Variants in PLCB4 observed in about 807,000 individuals in gnomAD.
PLCB4 encodes the protein phospholipase C beta 4, also known as 1-phosphatidylinositol 4,5-bisphosphate phosphodiesterase beta-4.
Under a neutral mutation model 178.8 loss-of-function variants are expected in PLCB4, and 77 were observed. That is an observed-to-expected ratio of 0.43 (90% CI 0.36 to 0.52). The LOEUF is 0.52. Among genes scored for constraint, PLCB4 ranks in the 20% least tolerant of loss-of-function variants. The probability of loss-of-function intolerance (pLI) is 0.00; values close to 1 mark genes in which losing one functional copy is unlikely to be tolerated. For synonymous variants in PLCB4, 496 were observed against 490.8 expected (o/e 1.01, Z -0.14); for missense variants, 1,024 against 1,453.4 (o/e 0.70, Z 4.80).
chr20:9,225,932 T>G (rs1412276332), intron 3 of PLCB4, among the ~76,000 whole-genome samples: 2 of 152,186 alleles, frequency 1.3e-5, no homozygotes, highest in East Asian at 1.9e-4. Flanking sequence ...TGTCCTCAGG[T>G]GGGAAAGGGC....
intron 2 of PLCB4, among the ~76,000 whole-genome samples, chr20:9,157,103 A>G (rs2092805114): frequency 6.6e-6 from 1 of 151,824 alleles, no homozygotes; most frequent in African/African-American, 2.4e-5. Context: ...AAGGCACACA[A>G]TGTTAATATG....
Position 9,295,714 on chromosome 20 carries a change from A to G in PLCB4, c.-15-12086A>G, listed in dbSNP as rs1222639357. Among the ~76,000 whole-genome samples, 3 of 152,134 alleles carry G rather than the reference A, an allele frequency of 2.0e-5. No individual in the cohort carries two copies. The East Asian group carries it at 5.8e-4, about 29-fold the overall frequency. ...ATTTCTTGTTTTTGTCAGGTTTGTCAAGGATCAGATGGTTGTAGATATGCG... is the reference window on the plus strand; with the variant it reads ...ATTTCTTGTTTTTGTCAGGTTTGTCGAGGATCAGATGGTTGTAGATATGCG... On this transcript the variant is annotated intron_variant, in intron 3 of 39. Coordinates refer to ENST00000378473, the MANE Select transcript of PLCB4 (RefSeq NM_001377142.1).
chr20:9,155,461 G>A (rs1188340166), intron 2 of PLCB4, among the ~76,000 whole-genome samples: 3 of 152,168 alleles, frequency 2.0e-5, no homozygotes, highest in Admixed American at 1.3e-4. Context: ...GAAAGCTGAA[G>A]AACTTGAGAT....
intron 2 of PLCB4, among the ~76,000 whole-genome samples, chr20:9,145,680 C>A (rs945608235): frequency 1.3e-5 from 2 of 152,026 alleles, no homozygotes; most frequent in Non-Finnish European, 2.9e-5. Flanking sequence ...ATTTATCTTT[C>A]CATTCACGCA....
intron 1 of PLCB4, among the ~76,000 whole-genome samples, chr20:9,074,807 TAAACAAAACAAAACAAAACAAAACA>T (rs138068127): frequency 0.65 from 79,914 of 123,134 alleles, 25,100 homozygotes; most frequent in South Asian, 0.75. Flanking sequence ...TTTTTTTTTT[TAAACAAAACAAAACAAAACAAAACA>T]AAACAAAACA....
At chr20:9,344,530 T>A (rs2033596314) in intron 7 of PLCB4, among the ~76,000 whole-genome samples, 1 of 152,242 alleles carries the variant, frequency 6.6e-6, no homozygotes, top group African/African-American at 2.4e-5. Flanking sequence ...GAGGTATTTA[T>A]GTTGACTAAA....
At chr20:9,169,875 C>T (rs532584037) in intron 2 of PLCB4, among the ~76,000 whole-genome samples, 3 of 152,168 alleles carry the variant, frequency 2.0e-5, no homozygotes, top group African/African-American at 7.2e-5. Flanking sequence ...TCCACTTATC[C>T]CTCTGTCTTT....
intron 1 of PLCB4, among the ~76,000 whole-genome samples, chr20:9,074,588 T>C (rs1322622417): frequency 1.3e-5 from 2 of 152,168 alleles, no homozygotes; most frequent in African/African-American, 4.8e-5. Context: ...ACTCTGCAAG[T>C]ACAGAAAGTT....
intron 2 of PLCB4, among the ~76,000 whole-genome samples, chr20:9,146,305 C>G (rs2092598091): frequency 6.6e-6 from 1 of 152,018 alleles, no homozygotes; most frequent in Non-Finnish European, 1.5e-5. Flanking sequence ...TCAAATATGA[C>G]CAAACTCTGG....
chr20:9,227,483 T>C (rs1443387242), intron 3 of PLCB4, among the ~76,000 whole-genome samples: 2 of 152,172 alleles, frequency 1.3e-5, no homozygotes, highest in East Asian at 3.9e-4. Flanking sequence ...ATTTAAGTCA[T>C]AGAGCCATCC....
At chr20:9,218,264 G>A (rs1044673580) in intron 3 of PLCB4, among the ~76,000 whole-genome samples, 17 of 152,064 alleles carry the variant, frequency 1.1e-4, no homozygotes, top group Admixed American at 3.9e-4. Flanking sequence ...ATGCCACCAC[G>A]CCTGGCTAAT....
intron 25 of PLCB4, 58 bp downstream of exon 25, chr20:9,411,146 T>G: frequency 5.2e-5 from 59 of 1,127,254 alleles, no homozygotes; most frequent in Non-Finnish European, 7.6e-5. Context: ...ACTACAGCTC[T>G]AATGAAGCCA....
intron 38 of PLCB4, among the ~76,000 whole-genome samples, chr20:9,475,533 A>G (rs1458252476): frequency 6.6e-6 from 1 of 152,222 alleles, no homozygotes; most frequent in Non-Finnish European, 1.5e-5. Flanking sequence ...AGCTTGGGAA[A>G]GCATAGAACA....
chr20:9,159,677 T>A (rs2092851875), intron 2 of PLCB4, among the ~76,000 whole-genome samples: 1 of 152,214 alleles, frequency 6.6e-6, no homozygotes, highest in Non-Finnish European at 1.5e-5. Context: ...ATGATTCCGT[T>A]AGCAGTAGCT....
intron 4 of PLCB4, among the ~76,000 whole-genome samples, chr20:9,319,041 A>G (rs1259086589): frequency 6.6e-6 from 1 of 152,152 alleles, no homozygotes; most frequent in African/African-American, 2.4e-5. Flanking sequence ...AAGAGACCCT[A>G]AGGACATCCT....
chr20:9,360,319 C>G (rs1205748293), intron 7 of PLCB4, among the ~76,000 whole-genome samples: 1 of 152,190 alleles, frequency 6.6e-6, no homozygotes, highest in African/African-American at 2.4e-5. Context: ...CTTTCCATCA[C>G]AATAAACAAG....
intron 2 of PLCB4, among the ~76,000 whole-genome samples, chr20:9,158,448 T>A (rs1251221562): frequency 6.0e-5 from 9 of 150,466 alleles, no homozygotes; most frequent in Admixed American, 1.3e-4. Flanking sequence ...TTTTTTTTTT[T>A]AATAGATTTG....
intron 1 of PLCB4, among the ~76,000 whole-genome samples, chr20:9,090,511 T>TG (rs774619558): frequency 6.9e-6 from 1 of 145,942 alleles, no homozygotes; most frequent in African/African-American, 2.5e-5. Flanking sequence ...ATTTTTAGTG[T>TG]GTTTTTTTTT....
chr20:9,357,908 G>A (rs2034984405), intron 7 of PLCB4, among the ~76,000 whole-genome samples: 1 of 152,142 alleles, frequency 6.6e-6, no homozygotes, highest in African/African-American at 2.4e-5. Flanking sequence ...AAGTTGAGGG[G>A]GGCTGCTCTT....
Sources: gnomAD v4.1 joint callset for allele counts (sites outside exome capture counted in the v4.1 genomes callset) on GRCh38, gnomAD v4.1.1 for gene constraint, MANE v1.5 for transcripts, NCBI Gene and HGNC (gene_info 2026-07-23, HGNC 2026-07-21) for gene names.